The following MDGA2 variants were observed in gnomAD, a reference collection of about 807,000 sequenced individuals.
MDGA2 encodes the protein MAM domain-containing glycosylphosphatidylinositol anchor protein 2.
Under a neutral mutation model 117.8 loss-of-function variants are expected in MDGA2, and 40 were observed. The observed-to-expected ratio is 0.34, with a 90% CI of 0.26 to 0.44. The LOEUF (loss-of-function observed/expected upper bound fraction) is 0.44, where lower values mean the gene tolerates loss of function less well. Ranked by LOEUF, MDGA2 falls within the 20% of genes least tolerant of loss-of-function variation. MDGA2 has a pLI of 1.00. For missense variants in MDGA2, 1,123 were observed against 1,250.6 expected (o/e 0.90, Z 1.54); for synonymous variants, 452 against 439.0 (o/e 1.03, Z -0.37).
chr14:47,160,139 A>C (rs1883572801), intron 3 of MDGA2, among the ~76,000 whole-genome samples: 1 of 152,202 alleles, frequency 6.6e-6, no homozygotes, highest in East Asian at 1.9e-4. Context: ...AGTTGAACCC[A>C]AAATTTATCA....
chr14:46,984,290 G>C (rs1022736721), intron 8 of MDGA2, among the ~76,000 whole-genome samples: 1 of 151,914 alleles, frequency 6.6e-6, no homozygotes, highest in Non-Finnish European at 1.5e-5. Context: ...TTCAGTAGAA[G>C]TATTCCTATT....
chr14:46,874,721 T>G (rs1882154578), intron 12 of MDGA2, among the ~76,000 whole-genome samples: 1 of 151,876 alleles, frequency 6.6e-6, no homozygotes, highest in Admixed American at 6.6e-5. Context: ...TTGAAAAGTA[T>G]TTATCCTTCC....
intron 1 of MDGA2, among the ~76,000 whole-genome samples, 167 bp downstream of exon 1, chr14:47,674,350 T>C (rs1326234368): frequency 6.6e-6 from 1 of 152,060 alleles, no homozygotes; most frequent in Non-Finnish European, 1.5e-5. Context: ...CGCAGCCCAA[T>C]CCGCAGCGCG....
intron 7 of MDGA2, among the ~76,000 whole-genome samples, chr14:47,043,055 T>C (rs974766891): frequency 3.9e-5 from 6 of 152,084 alleles, no homozygotes; most frequent in South Asian, 2.1e-4. Flanking sequence ...AATAATTCCA[T>C]TCCAAGTCTG....
intron 1 of MDGA2, among the ~76,000 whole-genome samples, chr14:47,552,443 G>A (rs566654606): frequency 6.6e-6 from 1 of 152,172 alleles, no homozygotes; most frequent in Non-Finnish European, 1.5e-5. Flanking sequence ...CCTTTCCATT[G>A]TTCAGGCCAA....
intron 8 of MDGA2, among the ~76,000 whole-genome samples, chr14:47,034,181 C>T (rs1888758887): frequency 6.6e-6 from 1 of 152,152 alleles, no homozygotes; most frequent in Non-Finnish European, 1.5e-5. Context: ...TACCATTGGG[C>T]AGCCCAGTTA....
At chr14:47,638,179 GGT>G (rs1897357998) in intron 1 of MDGA2, among the ~76,000 whole-genome samples, 1 of 152,030 alleles carries the variant, frequency 6.6e-6, no homozygotes, top group Non-Finnish European at 1.5e-5. Context: ...GTGCATTATG[GGT>G]GTGTGTGCAG....
intron 3 of MDGA2, among the ~76,000 whole-genome samples, chr14:47,211,021 T>A (rs980975479): frequency 6.6e-6 from 1 of 152,130 alleles, no homozygotes; most frequent in Non-Finnish European, 1.5e-5. Flanking sequence ...TTACAATTTA[T>A]TTATTTTGCA....
At chr14:47,205,171 T>C (rs552752694) in intron 3 of MDGA2, among the ~76,000 whole-genome samples, 2 of 152,136 alleles carry the variant, frequency 1.3e-5, no homozygotes, top group South Asian at 2.1e-4. Flanking sequence ...TGCATATATA[T>C]GTAGCCCCAT....
chr14:47,159,968 T>C (rs961059659), intron 3 of MDGA2, among the ~76,000 whole-genome samples: 2 of 152,306 alleles, frequency 1.3e-5, no homozygotes, highest in South Asian at 2.1e-4. Flanking sequence ...GTTGGCAAAA[T>C]ATAATAAAGT....
intron 5 of MDGA2, among the ~76,000 whole-genome samples, chr14:47,123,575 T>G (rs960852633): frequency 2.6e-5 from 4 of 152,096 alleles, no homozygotes; most frequent in Non-Finnish European, 4.4e-5. Flanking sequence ...TTTCTTCTAT[T>G]TCCTAATAAA....
At chr14:47,492,815 A>G (rs985340025) in intron 1 of MDGA2, among the ~76,000 whole-genome samples, 1 of 152,124 alleles carries the variant, frequency 6.6e-6, no homozygotes, top group Non-Finnish European at 1.5e-5. Flanking sequence ...ATGAGCAACA[A>G]TAAAAGTATT....
intron 1 of MDGA2, among the ~76,000 whole-genome samples, chr14:47,326,201 T>C (rs1890138208): frequency 6.6e-6 from 1 of 152,182 alleles, no homozygotes; most frequent in Non-Finnish European, 1.5e-5. Flanking sequence ...TTTAGACATG[T>C]TCTCTCTGCC....
At chr14:47,220,603 G>T (rs17118207) in intron 2 of MDGA2, among the ~76,000 whole-genome samples, 33,002 of 143,164 alleles carry the variant, frequency 0.23, 3,897 homozygotes, top group African/African-American at 0.33. Flanking sequence ...ACACCATGGA[G>T]TTATACCTAC....
rs546537428 is a variant in MDGA2, at chr14:47,177,502, G to A, written c.596-33228C>T. ...AATGATGAGTTCATGTCCTTTGTAG[G>A]GACATGGATGAAATTGGAAATCATC... On this transcript the variant is annotated intron_variant, in intron 3 of 16. Coordinates refer to ENST00000399232, the MANE Select transcript of MDGA2 (RefSeq NM_001113498.3). 1.3e-5 allele frequency among the ~76,000 whole-genome samples: 2 copies of A among 152,224 alleles called. 1 individual carries two copies. The highest frequency in any genetic ancestry group is 4.1e-4 in the South Asian group (2 of 4,822).
intron 1 of MDGA2, among the ~76,000 whole-genome samples, chr14:47,330,048 G>T (rs1475502652): frequency 6.6e-6 from 1 of 151,782 alleles, no homozygotes; most frequent in East Asian, 1.9e-4. Flanking sequence ...AAACCACTTG[G>T]GCTGGAAATA....
intron 1 of MDGA2, among the ~76,000 whole-genome samples, chr14:47,565,651 G>C (rs1339608643): frequency 6.6e-6 from 1 of 152,184 alleles, no homozygotes; most frequent in African/African-American, 2.4e-5. Context: ...ACGACAGAGT[G>C]CATGCTCATT....
At chr14:46,985,952 C>T (rs1445065899) in intron 8 of MDGA2, among the ~76,000 whole-genome samples, 2 of 151,886 alleles carry the variant, frequency 1.3e-5, no homozygotes, top group African/African-American at 2.4e-5. Context: ...AGACACAAAA[C>T]CTCAAGACTT....
chr14:47,092,635 T>A (rs995831693), intron 6 of MDGA2, among the ~76,000 whole-genome samples: 4 of 152,090 alleles, frequency 2.6e-5, no homozygotes, highest in African/African-American at 7.2e-5. Flanking sequence ...ATATTTTCCC[T>A]CCAATGTTGC....
Sources: gnomAD v4.1 joint callset for allele counts (sites outside exome capture counted in the v4.1 genomes callset) on GRCh38, gnomAD v4.1.1 for gene constraint, MANE v1.5 for transcripts, NCBI Gene and HGNC (gene_info 2026-07-23, HGNC 2026-07-21) for gene names.